TRDN: variants seen among roughly 807,000 people sequenced by gnomAD.
The protein encoded by TRDN is triadin in skeletal muscle.
Under a neutral mutation model 149.7 loss-of-function variants are expected in TRDN, and 161 were observed. The observed-to-expected ratio is 1.08, with a 90% CI of 0.95 to 1.23. The LOEUF (loss-of-function observed/expected upper bound fraction) is 1.23. Among genes scored for constraint, TRDN ranks in the 50% most tolerant of loss-of-function variants. TRDN has a pLI of 0.00. For missense variants in TRDN, 896 were observed against 823.5 expected (o/e 1.09, Z -1.08); for synonymous variants, 294 against 250.5 (o/e 1.17, Z -1.64).
chr6:123,350,667 C>T (rs1780428737), intron 21 of TRDN: 1 of 778,350 alleles, frequency 1.3e-6, no homozygotes, highest in South Asian at 5.9e-5. Context: ...AATAGATATA[C>T]TATCATAAAA....
At chr6:123,513,301 T>C (rs1197481976) in intron 6 of TRDN, among the ~76,000 whole-genome samples, 1 of 152,110 alleles carries the variant, frequency 6.6e-6, no homozygotes, top group Non-Finnish European at 1.5e-5. Context: ...TAATAACATA[T>C]CTCCTAAAAA....
At chr6:123,467,516 T>C (rs1776899133) in intron 9 of TRDN, among the ~76,000 whole-genome samples, 1 of 151,710 alleles carries the variant, frequency 6.6e-6, no homozygotes, top group Non-Finnish European at 1.5e-5. Flanking sequence ...AATGGGAAAG[T>C]AGGACCACAA....
rs1325127481 is a variant in TRDN, at chr6:123,443,975, T to C, written c.932-4972A>G. Among the ~76,000 whole-genome samples the C allele has an allele frequency of 2.6e-5, 4 of 151,104 alleles. No homozygotes were observed. In the East Asian group the frequency reaches 7.8e-4, roughly 29 times the overall value. On this transcript the variant is annotated intron_variant, in intron 10 of 40. Transcript: ENST00000334268. ...GTGTGATGCCTCCAGCTTTGTTCTT[T>C]TGGCTTAGGATTGACTTGGCGATGT...
intron 1 of TRDN, among the ~76,000 whole-genome samples, chr6:123,599,000 C>T (rs1422845005): frequency 6.6e-6 from 1 of 152,006 alleles, no homozygotes; most frequent in South Asian, 2.1e-4. Flanking sequence ...AGCATCTGCA[C>T]CTCGGTGTTC....
intron 5 of TRDN, among the ~76,000 whole-genome samples, chr6:123,527,724 C>T (rs904612657): frequency 1.2e-4 from 18 of 151,374 alleles, no homozygotes; most frequent in East Asian, 1.9e-4. Context: ...TGTAATGTTC[C>T]GCTATATTAC....
intron 16 of TRDN, among the ~76,000 whole-genome samples, chr6:123,379,738 C>G (rs1483580956): frequency 6.6e-6 from 1 of 151,972 alleles, no homozygotes; most frequent in Non-Finnish European, 1.5e-5. Context: ...ATTGATTTAC[C>G]CTTTAACTCT....
chr6:123,305,379 C>T (rs1363150282), intron 24 of TRDN, among the ~76,000 whole-genome samples: 2 of 152,094 alleles, frequency 1.3e-5, no homozygotes, highest in Non-Finnish European at 2.9e-5. Context: ...CTCTATATAT[C>T]ATTTTTAGTT....
intron 21 of TRDN, chr6:123,351,138 G>A (rs1780448784): frequency 3.0e-6 from 3 of 984,630 alleles, no homozygotes; most frequent in Non-Finnish European, 3.6e-6. Flanking sequence ...ACTAGAGGGG[G>A]AAAGCTATAA....
At chr6:123,351,207 A>G in intron 21 of TRDN, 1 of 983,098 alleles carries the variant, frequency 1.0e-6, no homozygotes, top group South Asian at 4.7e-5. Context: ...AATTGATTTT[A>G]TAAGAAAAAA....
At chr6:123,298,489 G>A (rs774550436) in intron 24 of TRDN, among the ~76,000 whole-genome samples, 5 of 151,820 alleles carry the variant, frequency 3.3e-5, no homozygotes, top group African/African-American at 4.8e-5. Flanking sequence ...TATGTAAGTC[G>A]CCATCCCTTT....
intron 23 of TRDN, among the ~76,000 whole-genome samples, chr6:123,317,733 TTTTG>T (rs1348027232): frequency 6.6e-6 from 1 of 151,994 alleles, no homozygotes; most frequent in Non-Finnish European, 1.5e-5. Context: ...AAGAACTGTG[TTTTG>T]TTTATTACTC....
At chr6:123,257,084 G>A (rs1776591849) in intron 35 of TRDN, among the ~76,000 whole-genome samples, 1 of 151,380 alleles carries the variant, frequency 6.6e-6, no homozygotes, top group South Asian at 2.1e-4. Context: ...AGGTTCAAGT[G>A]ATTCTCCTGC....
In TRDN at chr6:123,400,167, G is replaced by GTATGTATATATATATA. The variant is rs1554232310; in HGVS notation, c.1052-6491_1052-6490insTATATATATATACATA. ...TATTTGACATAAAGAATATGTATGT[G>GTATGTATATATATATA]TATATATATATATATATATATAAAC... On this transcript the variant is annotated intron_variant, in intron 12 of 40. Coordinates refer to ENST00000334268, the MANE Select transcript of TRDN (RefSeq NM_006073.4). 3.3e-3 allele frequency among the ~76,000 whole-genome samples: 411 copies of GTATGTATATATATATA among 123,368 alleles called. 3 individuals carry two copies. The highest frequency in any genetic ancestry group is 0.012 in the African/African-American group (387 of 33,358). 80.9% of individuals were successfully genotyped at this position (123,368 alleles called of 152,430 possible).
intron 5 of TRDN, among the ~76,000 whole-genome samples, chr6:123,530,071 CCTCTGCCATGAGGTCATATAATGA>C (rs1780163401): frequency 6.6e-6 from 1 of 151,854 alleles, no homozygotes; most frequent in South Asian, 2.1e-4. Context: ...TCTTACATGA[CCTCTGCCATGAGGTCATATAATGA>C]CTCTGCATTT....
chr6:123,491,128 CGAAA>C (rs1191655291), intron 9 of TRDN, among the ~76,000 whole-genome samples: 2 of 108,288 alleles, frequency 1.8e-5, no homozygotes, highest in Admixed American at 8.3e-5. Context: ...AAAGAAGGAA[CGAAA>C]GAAGGAAGGA....
chr6:123,424,939 T>C (rs1035599468), intron 12 of TRDN, among the ~76,000 whole-genome samples: 15 of 152,074 alleles, frequency 9.9e-5, no homozygotes, highest in Non-Finnish European at 1.5e-4. Context: ...ACGTTCTCAT[T>C]TTTCAAAGCT....
At chr6:123,427,633 A>T (rs956382497) in intron 12 of TRDN, among the ~76,000 whole-genome samples, 4 of 152,210 alleles carry the variant, frequency 2.6e-5, no homozygotes, top group East Asian at 1.9e-4. Context: ...ATTCTTAGGG[A>T]TAATAAAAAG....
chr6:123,264,381 A>G (rs954123334), intron 33 of TRDN, among the ~76,000 whole-genome samples: 2 of 152,130 alleles, frequency 1.3e-5, no homozygotes, highest in Non-Finnish European at 2.9e-5. Flanking sequence ...GGTGGAAGCA[A>G]CAAAAGAATT....
chr6:123,221,895 G>A (rs1775161620), intron 39 of TRDN, among the ~76,000 whole-genome samples: 1 of 151,662 alleles, frequency 6.6e-6, no homozygotes, highest in South Asian at 2.1e-4. Context: ...GGCTAAAGAT[G>A]AACATTTTAG....
Sources: gnomAD v4.1 joint callset for allele counts (sites outside exome capture counted in the v4.1 genomes callset) on GRCh38, gnomAD v4.1.1 for gene constraint, MANE v1.5 for transcripts, NCBI Gene and HGNC (gene_info 2026-07-23, HGNC 2026-07-21) for gene names.